The following PKHD1 variants were observed in gnomAD, a reference collection of about 807,000 sequenced individuals.
PKHD1 encodes fibrocystin.
Under a neutral mutation model 412.0 loss-of-function variants are expected in PKHD1, and 291 were observed. The observed-to-expected ratio is 0.71, with a 90% confidence interval of 0.64 to 0.78. The LOEUF is 0.78. Among genes scored for constraint, PKHD1 ranks in the 30% least tolerant of loss-of-function variants. PKHD1 has a pLI of 0.00. For synonymous variants in PKHD1, 1,777 were observed against 1,821.5 expected (o/e 0.98, Z 0.62); for missense variants, 4,825 against 4,950.7 (o/e 0.97, Z 0.76).
intron 64 of PKHD1, among the ~76,000 whole-genome samples, chr6:51,633,620 T>C (rs1359088741): frequency 2.0e-5 from 3 of 152,212 alleles, no homozygotes; most frequent in Non-Finnish European, 4.4e-5. Context: ...GGCATTATGC[T>C]GAGTAAGGGA....
intron 2 of PKHD1, among the ~76,000 whole-genome samples, chr6:52,084,057 C>G (rs749142700): frequency 6.6e-6 from 1 of 152,158 alleles, no homozygotes; most frequent in South Asian, 2.1e-4. Context: ...GGGCCTTAAT[C>G]TATCCCTCCA....
chr6:51,935,177 G>T (rs2127773368), intron 36 of PKHD1, among the ~76,000 whole-genome samples: 1 of 152,204 alleles, frequency 6.6e-6, no homozygotes, highest in East Asian at 1.9e-4. Flanking sequence ...TAAAAGAAAA[G>T]TTGGGTTCTC....
chr6:51,940,107 C>T (rs1024636852), intron 36 of PKHD1, among the ~76,000 whole-genome samples: 23 of 151,696 alleles, frequency 1.5e-4, no homozygotes, highest in African/African-American at 5.1e-4. Context: ...GTTCATGGTT[C>T]GTTCAGCAGC....
intron 60 of PKHD1, among the ~76,000 whole-genome samples, chr6:51,677,058 T>C (rs1775967215): frequency 6.6e-6 from 1 of 152,110 alleles, no homozygotes; most frequent in Admixed American, 6.5e-5. Flanking sequence ...GTTCTAATTA[T>C]TATGAAAAAG....
chr6:51,912,406 T>C lies in PKHD1; in HGVS notation c.6292A>G (p.Thr2098Ala). 6.2e-7 allele frequency: 1 copy of C among 1,613,054 alleles called. No individual in the cohort carries two copies. Among genetic ancestry groups the C allele is most frequent in the Non-Finnish European group, 8.5e-7 (1 of 1,179,246 alleles). The stretch of plus-strand genomic sequence containing the variant: ...AGATAGAGGTCTGTATCCTGCACAG[T>C]TTCCACAGTGACAATCTCTTCCATC... ...KPMEEIVTVE[T>A]VQDTDLYLKS... Residue 2098 changes from threonine (T) to alanine (A), a missense_variant, in exon 38 of 67, where the codon ACT becomes GCT. Transcript: ENST00000371117.
At chr6:51,729,785 T>C (rs1783031007) in intron 60 of PKHD1, among the ~76,000 whole-genome samples, 1 of 152,232 alleles carries the variant, frequency 6.6e-6, no homozygotes, top group African/African-American at 2.4e-5. Flanking sequence ...TGGTCATTAT[T>C]GCCTTAGAAG....
chr6:51,950,220 A>AAAAAAAAAAT, intron 36 of PKHD1, among the ~76,000 whole-genome samples: 2 of 98,328 alleles, frequency 2.0e-5, no homozygotes, highest in Non-Finnish European at 2.0e-5. Flanking sequence ...GAAAAAAAAA[A>AAAAAAAAAAT]ATATATATAT....
At chr6:52,045,482 G>A (rs752258335) in intron 24 of PKHD1, among the ~76,000 whole-genome samples, 1 of 152,126 alleles carries the variant, frequency 6.6e-6, no homozygotes, top group Non-Finnish European at 1.5e-5. Context: ...CTAGAATTTC[G>A]ATTGAAAACC....
rs753255216 is a variant in PKHD1, at chr6:51,775,797, T to C, written c.8554+11A>G. ...ATTTTATTTTTAATAAAAACTATAT[T>C]ATACTCTTACCAATTGTTCCTGGGT... is the stretch of plus-strand genomic sequence containing the variant. On this transcript the variant is annotated intron_variant, in intron 54 of 66. Coordinates refer to ENST00000371117, the MANE Select transcript of PKHD1 (RefSeq NM_138694.4). 6.6e-6 allele frequency: 8 copies of C among 1,217,014 alleles called. No homozygotes were observed. In the African/African-American group the frequency reaches 1.2e-4, roughly 18 times the overall value. The allele number at this position is 1,217,014 out of a possible 1,614,324, so 75.4% of individuals were successfully genotyped here.
At chr6:51,873,214 G>C (rs1776279399) in intron 46 of PKHD1, among the ~76,000 whole-genome samples, 2 of 152,062 alleles carry the variant, frequency 1.3e-5, no homozygotes, top group Admixed American at 1.3e-4. Flanking sequence ...AATGCTTATA[G>C]CATTATTATT....
intron 34 of PKHD1, among the ~76,000 whole-genome samples, chr6:52,013,986 C>T (rs746914183): frequency 4.6e-5 from 7 of 152,214 alleles, no homozygotes; most frequent in African/African-American, 1.4e-4. Context: ...AAGCACACTG[C>T]ATCAGAAGCC....
intron 28 of PKHD1, among the ~76,000 whole-genome samples, chr6:52,033,390 T>A (rs1407282610): frequency 1.3e-5 from 2 of 152,146 alleles, no homozygotes; most frequent in Non-Finnish European, 2.9e-5. Flanking sequence ...CTTGGACTAG[T>A]AGGCAAGTGC....
chr6:52,018,515 T>TTAC (rs1184517804), intron 33 of PKHD1, among the ~76,000 whole-genome samples: 5 of 152,140 alleles, frequency 3.3e-5, no homozygotes, highest in Non-Finnish European at 7.4e-5. Flanking sequence ...GGTTGACCAA[T>TTAC]TATTATTATT....
chr6:51,958,823 A>ACG (rs1374272444), intron 36 of PKHD1, among the ~76,000 whole-genome samples: 4 of 151,640 alleles, frequency 2.6e-5, no homozygotes, highest in Admixed American at 6.6e-5. Flanking sequence ...CTACACACAC[A>ACG]CACACACACA....
At chr6:51,890,660 C>T (rs367780859) in intron 43 of PKHD1, among the ~76,000 whole-genome samples, 6 of 152,190 alleles carry the variant, frequency 3.9e-5, no homozygotes, top group Admixed American at 3.9e-4. Context: ...CTTTTCACAC[C>T]CCAAATCCAG....
intron 47 of PKHD1, among the ~76,000 whole-genome samples, chr6:51,869,012 T>TA (rs757158322): frequency 1.4e-3 from 210 of 151,842 alleles, no homozygotes; most frequent in Non-Finnish European, 2.5e-3. Context: ...TTATAAAATA[T>TA]AAAAAAAAGA....
chr6:51,836,988 T>TC (rs1315079254), intron 50 of PKHD1, among the ~76,000 whole-genome samples: 2 of 152,202 alleles, frequency 1.3e-5, no homozygotes, highest in African/African-American at 4.8e-5. Context: ...GGCCTGGGGT[T>TC]CATTAATTTT....
intron 52 of PKHD1, among the ~76,000 whole-genome samples, chr6:51,827,720 C>G (rs1767556056): frequency 6.6e-6 from 1 of 152,060 alleles, no homozygotes; most frequent in Non-Finnish European, 1.5e-5. Flanking sequence ...TTTATTAACC[C>G]AGCAAAATCC....
chr6:51,983,043 T>C (rs560001627), intron 35 of PKHD1, among the ~76,000 whole-genome samples: 1 of 151,902 alleles, frequency 6.6e-6, no homozygotes, highest in Non-Finnish European at 1.5e-5. Context: ...GGAAACACAG[T>C]GAAGTGTACC....
Sources: allele counts gnomAD v4.1 joint callset (sites outside exome capture counted in the v4.1 genomes callset), GRCh38; gene constraint gnomAD v4.1.1; transcripts MANE v1.5; gene names NCBI Gene and HGNC (gene_info 2026-07-23, HGNC 2026-07-21).